The following ENAH variants were observed in gnomAD, a reference collection of about 807,000 sequenced individuals.
ENAH encodes the protein ENAH actin regulator, also known as protein enabled homolog.
ENAH carries 23 observed loss-of-function variants against 78.7 expected under a neutral mutation model. That is an observed-to-expected ratio of 0.29 (90% CI 0.21 to 0.41). ENAH has a LOEUF of 0.41. ENAH is among the 10% of genes least tolerant of loss of function. The probability of loss-of-function intolerance (pLI) is 1.00; values close to 1 mark genes in which losing one functional copy is unlikely to be tolerated. For missense variants in ENAH, 544 were observed against 691.0 expected (o/e 0.79, Z 2.39); for synonymous variants, 226 against 241.0 (o/e 0.94, Z 0.58).
rs1412342288 is a variant in ENAH, at chr1:225,550,216, G to C, written c.349+4690C>G. 2.0e-5 allele frequency among the ~76,000 whole-genome samples: 3 copies of C among 152,054 alleles called. No individual in the cohort carries two copies. In the East Asian group the frequency reaches 5.8e-4, roughly 29 times the overall value. On this transcript the variant is annotated intron_variant, in intron 3 of 13. Transcript: ENST00000366843. The stretch of plus-strand genomic sequence containing the variant: ...GAGCCCTCCCCATTCTTCAAACATA[G>C]CTGAAACATCACCTTCTCTTCAAAG...
chr1:225,563,820 A>G (rs563768841), intron 2 of ENAH, among the ~76,000 whole-genome samples: 1 of 152,332 alleles, frequency 6.6e-6, no homozygotes, highest in Non-Finnish European at 1.5e-5. Context: ...GTTGCATAAA[A>G]CAGAAAATAT....
At chr1:225,531,368 T>C (rs1438060186) in intron 3 of ENAH, among the ~76,000 whole-genome samples, 7 of 152,128 alleles carry the variant, frequency 4.6e-5, no homozygotes, top group Admixed American at 6.5e-5. Context: ...TCATGTACAA[T>C]GCAGACCTGT....
At chr1:225,634,575 T>C (rs922909784) in intron 1 of ENAH, among the ~76,000 whole-genome samples, 4 of 152,172 alleles carry the variant, frequency 2.6e-5, no homozygotes, top group South Asian at 2.1e-4. Flanking sequence ...GTTGAGAAAC[T>C]CTGAAAGTAG....
chr1:225,527,201 G>A (rs780253160), intron 4 of ENAH, among the ~76,000 whole-genome samples: 6 of 152,038 alleles, frequency 3.9e-5, no homozygotes, highest in Admixed American at 1.3e-4. Context: ...TTCACTACAC[G>A]TTCCAGTAAT....
chr1:225,578,519 C>G (rs2096799112), intron 1 of ENAH, among the ~76,000 whole-genome samples: 1 of 152,086 alleles, frequency 6.6e-6, no homozygotes, highest in Non-Finnish European at 1.5e-5. Context: ...ACTAGTAAGA[C>G]TGAGATTATC....
intron 10 of ENAH, 123 bp from the exon 11 acceptor site, chr1:225,508,140 TA>T: frequency 1.9e-6 from 1 of 513,428 alleles, no homozygotes; most frequent in Non-Finnish European, 3.1e-6. Context: ...AATAAAAATT[TA>T]AATTCTAAAC....
At chr1:225,536,440 A>G (rs1004946160) in intron 3 of ENAH, among the ~76,000 whole-genome samples, 1 of 151,988 alleles carries the variant, frequency 6.6e-6, no homozygotes, top group African/African-American at 2.4e-5. Context: ...TTACATCAAT[A>G]ATTTTCTGTA....
At chr1:225,584,895 T>G (rs1294750839) in intron 1 of ENAH, among the ~76,000 whole-genome samples, 1 of 152,144 alleles carries the variant, frequency 6.6e-6, no homozygotes, top group East Asian at 1.9e-4. Context: ...CAATCCTGAA[T>G]GTACAGCCAC....
chr1:225,638,145 A>G (rs1447860619), intron 1 of ENAH, among the ~76,000 whole-genome samples: 1 of 152,200 alleles, frequency 6.6e-6, no homozygotes, highest in Admixed American at 6.5e-5. Context: ...TCAAGGTCTC[A>G]CAGCCAGTAA....
At chr1:225,527,631 A>G (rs1193172814) in intron 4 of ENAH, among the ~76,000 whole-genome samples, 2 of 152,212 alleles carry the variant, frequency 1.3e-5, no homozygotes, top group Non-Finnish European at 2.9e-5. Context: ...TATCTCTTTT[A>G]TAATTGTATA....
At chr1:225,636,487 T>C (rs895453612) in intron 1 of ENAH, among the ~76,000 whole-genome samples, 2 of 152,188 alleles carry the variant, frequency 1.3e-5, no homozygotes, top group African/African-American at 4.8e-5. Context: ...AAACATCCTA[T>C]GTACAATATA....
At chr1:225,634,950 T>C (rs147879740) in intron 1 of ENAH, among the ~76,000 whole-genome samples, 2 of 152,348 alleles carry the variant, frequency 1.3e-5, no homozygotes, top group East Asian at 1.9e-4. Flanking sequence ...AAAAACGCCA[T>C]TGGGATTTTG....
chr1:225,492,413 C>T lies in ENAH; in HGVS notation c.*5362G>A, dbSNP rs2096226461. On this transcript the variant is annotated 3_prime_UTR_variant, in exon 14 of 14. Coordinates refer to ENST00000366843, the MANE Select transcript of ENAH (RefSeq NM_018212.6). ...GTCTTTAAAAACTGAGGAAAAAGAA[C>T]AGCACTACTCAAATGGTATATTCTT... is the stretch of plus-strand genomic sequence containing the variant. The T allele has an allele frequency of 6.6e-6, 1 of 152,146 alleles. No individual in the cohort carries two copies. Among genetic ancestry groups the T allele is most frequent in the South Asian group, 2.1e-4 (1 of 4,822 alleles). The allele number at this position is 152,146 out of a possible 1,614,324, so 9.4% of individuals were successfully genotyped here.
chr1:225,617,345 A>G (rs1195224657), intron 1 of ENAH, among the ~76,000 whole-genome samples: 2 of 152,192 alleles, frequency 1.3e-5, no homozygotes, highest in Non-Finnish European at 2.9e-5. Flanking sequence ...GGCCCTATAC[A>G]TTATCCTTTC....
At chr1:225,545,938 A>T (rs1381999322) in intron 3 of ENAH, among the ~76,000 whole-genome samples, 2 of 118,708 alleles carry the variant, frequency 1.7e-5, no homozygotes, top group Non-Finnish European at 3.6e-5. Context: ...TTTTTTTTTT[A>T]AAGACACAGG....
intron 3 of ENAH, among the ~76,000 whole-genome samples, chr1:225,530,864 CA>C (rs1349365842): frequency 6.6e-6 from 1 of 152,066 alleles, no homozygotes; most frequent in Admixed American, 6.6e-5. Flanking sequence ...TGGAAAACAT[CA>C]ACAATAAGGA....
intron 6 of ENAH, 160 bp from the exon 7 acceptor site, chr1:225,515,060 G>C: frequency 1.5e-6 from 1 of 678,580 alleles, no homozygotes; most frequent in East Asian, 2.8e-5. Flanking sequence ...ATCAGTTTTT[G>C]AAAGATACTG....
chr1:225,625,460 C>T (rs1489930918), intron 1 of ENAH, among the ~76,000 whole-genome samples: 1 of 152,174 alleles, frequency 6.6e-6, no homozygotes, highest in East Asian at 1.9e-4. Flanking sequence ...AGCTACATTC[C>T]TCCACAAACT....
chr1:225,616,588 G>A (rs1163263221), intron 1 of ENAH, among the ~76,000 whole-genome samples: 1 of 151,906 alleles, frequency 6.6e-6, no homozygotes, highest in Non-Finnish European at 1.5e-5. Flanking sequence ...ATTATATATT[G>A]CATCTATATA....
Sources: gnomAD v4.1 joint callset for allele counts (sites outside exome capture counted in the v4.1 genomes callset) on GRCh38, gnomAD v4.1.1 for gene constraint, MANE v1.5 for transcripts, NCBI Gene and HGNC (gene_info 2026-07-23, HGNC 2026-07-21) for gene names.